Variants in STAG1 observed in about 807,000 individuals in gnomAD.
The protein encoded by STAG1 is STAG1 cohesin complex component, also known as cohesin subunit SA-1.
In STAG1, 26 loss-of-function variants were observed where a neutral mutation model predicts 170.9. The observed-to-expected ratio is 0.15, with a 90% CI of 0.11 to 0.21. The LOEUF is 0.21. STAG1 is among the 10% of genes least tolerant of loss of function. The probability of loss-of-function intolerance (pLI) is 1.00; values close to 1 mark genes in which losing one functional copy is unlikely to be tolerated. For missense variants in STAG1, 964 were observed against 1,509.5 expected (o/e 0.64, Z 5.99); for synonymous variants, 514 against 497.7 (o/e 1.03, Z -0.44).
chr3:136,594,850 AG>A (rs1440595338), intron 4 of STAG1, among the ~76,000 whole-genome samples: 2 of 152,112 alleles, frequency 1.3e-5, no homozygotes, highest in African/African-American at 4.8e-5. Context: ...AGCTCACTGC[AG>A]CCTTGACTTC....
chr3:136,471,159 G>T (rs1324005836), intron 12 of STAG1, among the ~76,000 whole-genome samples: 1 of 151,430 alleles, frequency 6.6e-6, no homozygotes, highest in African/African-American at 2.4e-5. Context: ...TCAGGAGTTA[G>T]CAGTTTTAAT....
chr3:136,697,737 T>TA (rs956010130), intron 1 of STAG1, among the ~76,000 whole-genome samples: 3 of 152,230 alleles, frequency 2.0e-5, no homozygotes, highest in African/African-American at 7.2e-5. Context: ...TCCCTGGAAT[T>TA]AGACACAACC....
At chr3:136,605,636 T>TATA (rs1239038399) in intron 3 of STAG1, among the ~76,000 whole-genome samples, 1 of 152,208 alleles carries the variant, frequency 6.6e-6, no homozygotes, top group East Asian at 1.9e-4. Flanking sequence ...TGCTCTCTAT[T>TATA]GAGTAATTTA....
At chr3:136,428,384 C>T (rs1457756970) in intron 16 of STAG1, among the ~76,000 whole-genome samples, 8 of 152,180 alleles carry the variant, frequency 5.3e-5, no homozygotes, top group Non-Finnish European at 7.3e-5. Context: ...AGTACCTTGC[C>T]AGTAAGGGAT....
chr3:136,728,315 T>C (rs1176952111), intron 1 of STAG1, among the ~76,000 whole-genome samples: 1 of 152,208 alleles, frequency 6.6e-6, no homozygotes, highest in Non-Finnish European at 1.5e-5. Context: ...AAATTATTTA[T>C]CTTAAATTCC....
At chr3:136,686,733 G>T (rs926662450) in intron 1 of STAG1, among the ~76,000 whole-genome samples, 29 of 152,120 alleles carry the variant, frequency 1.9e-4, no homozygotes, top group African/African-American at 7.0e-4. Flanking sequence ...CAGGTGACTT[G>T]TTTTTTTTAA....
chr3:136,673,582 T>C (rs547765747), intron 1 of STAG1, among the ~76,000 whole-genome samples: 25 of 152,280 alleles, frequency 1.6e-4, no homozygotes, highest in African/African-American at 6.0e-4. Context: ...ACATGTTGTA[T>C]GTATGTACAT....
intron 1 of STAG1, among the ~76,000 whole-genome samples, chr3:136,723,878 G>C (rs1311882785): frequency 6.1e-5 from 9 of 148,320 alleles, no homozygotes; most frequent in Admixed American, 6.0e-4. Flanking sequence ...CCGGGAGGGT[G>C]GTGGGGGAGT....
At chr3:136,529,324 T>G (rs1184297252) in intron 6 of STAG1, among the ~76,000 whole-genome samples, 2 of 152,172 alleles carry the variant, frequency 1.3e-5, no homozygotes, top group Admixed American at 6.5e-5. Flanking sequence ...AAGGTCTTCT[T>G]CATGGCACGT....
At chr3:136,688,314 C>T (rs1942606389) in intron 1 of STAG1, among the ~76,000 whole-genome samples, 1 of 152,172 alleles carries the variant, frequency 6.6e-6, no homozygotes, top group Non-Finnish European at 1.5e-5. Context: ...ACAAAGTCAA[C>T]AGGTTGCAGA....
chr3:136,496,652 C>T (rs893825475), intron 9 of STAG1, among the ~76,000 whole-genome samples: 1 of 151,856 alleles, frequency 6.6e-6, no homozygotes, highest in Non-Finnish European at 1.5e-5. Context: ...TAAAGCAGTG[C>T]TTTAAAAAAT....
chr3:136,398,210 C>T (rs527779230), intron 22 of STAG1, among the ~76,000 whole-genome samples: 9 of 152,074 alleles, frequency 5.9e-5, no homozygotes, highest in South Asian at 2.1e-4. Context: ...CTCTACCTCC[C>T]GGGTTCAAGT....
intron 1 of STAG1, among the ~76,000 whole-genome samples, chr3:136,730,748 C>T (rs530689794): frequency 6.6e-6 from 1 of 152,180 alleles, no homozygotes; most frequent in Non-Finnish European, 1.5e-5. Context: ...CAAACACTTT[C>T]CTTTGGCACT....
chr3:136,377,660 C>T lies in STAG1; in HGVS notation c.2370G>A (p.Gln790=). 6.2e-7 allele frequency: 1 copy of T among 1,611,290 alleles called. No homozygotes were observed. Among genetic ancestry groups the T allele is most frequent in the Non-Finnish European group, 8.5e-7 (1 of 1,177,886 alleles). ...AGAGCTCTTACTGATAATTTCTTAC[C>T]TGTTCTTTCACTGGAGTATTAACAT... is the stretch of plus-strand genomic sequence containing the variant. ...LSNVNTPVKE[Q]AFMLLCDLLM... The change falls in exon 23 of 34, where the codon CAG becomes CAA. Residue 790 remains glutamine, a splice_region_variant and synonymous_variant. Transcript: ENST00000383202.
chr3:136,665,002 G>A (rs1240298580), intron 1 of STAG1, among the ~76,000 whole-genome samples: 1 of 152,210 alleles, frequency 6.6e-6, no homozygotes, highest in Non-Finnish European at 1.5e-5. Flanking sequence ...GAAATGTAGT[G>A]GAGTTTCTCC....
intron 1 of STAG1, among the ~76,000 whole-genome samples, chr3:136,683,367 G>T (rs930606061): frequency 7.9e-5 from 12 of 151,836 alleles, no homozygotes; most frequent in African/African-American, 2.9e-4. Flanking sequence ...GGGTTCAAGT[G>T]ATTCTCCTGC....
In STAG1 at chr3:136,502,009, C is replaced by T. The variant is rs147268494; in HGVS notation, c.828+619G>A. 5.9e-3 allele frequency among the ~76,000 whole-genome samples: 890 copies of T among 152,100 alleles called. 11 individuals are homozygous for T. Among genetic ancestry groups the T allele is most frequent in the African/African-American group, 0.02 (844 of 41,494 alleles). ...CCAGCCTGACCAACATGGAGAAACC[C>T]CATCTCTACTAAAAATACAAAATTA... On this transcript the variant is annotated intron_variant, in intron 8 of 33. Transcript: ENST00000383202.
At chr3:136,452,197 G>C (rs748826851) in intron 13 of STAG1, 50 bp from the exon 14 acceptor site, 3 of 1,143,426 alleles carry the variant, frequency 2.6e-6, no homozygotes, top group Non-Finnish European at 1.3e-6. Flanking sequence ...ATGAACTTTA[G>C]TCTTCCCTCA....
intron 1 of STAG1, among the ~76,000 whole-genome samples, chr3:136,742,578 G>A (rs1052716219): frequency 6.6e-6 from 1 of 151,944 alleles, no homozygotes; most frequent in East Asian, 1.9e-4. Context: ...AGCTGGGTGT[G>A]GTGGTGTGCG....
Sources: gnomAD v4.1 joint callset for allele counts (sites outside exome capture counted in the v4.1 genomes callset) on GRCh38, gnomAD v4.1.1 for gene constraint, MANE v1.5 for transcripts, NCBI Gene and HGNC (gene_info 2026-07-23, HGNC 2026-07-21) for gene names.